Variants in AVEN observed in about 807,000 individuals in gnomAD.
The protein encoded by AVEN is cell death regulator Aven.
A neutral mutation model predicts 38.1 loss-of-function variants in AVEN; 41 were observed. That is an observed-to-expected ratio of 1.08 (90% CI 0.84 to 1.40). The LOEUF is 1.40. AVEN is among the 40% of genes most tolerant of loss of function. The probability of loss-of-function intolerance (pLI) is 0.00; values close to 1 mark genes in which losing one functional copy is unlikely to be tolerated. For missense variants in AVEN, 605 were observed against 438.8 expected (o/e 1.38, Z -3.38); for synonymous variants, 206 against 171.8 (o/e 1.20, Z -1.56).
intron 2 of AVEN, among the ~76,000 whole-genome samples, chr15:33,906,722 G>A (rs953396317): frequency 3.3e-5 from 5 of 152,160 alleles, no homozygotes; most frequent in African/African-American, 1.2e-4. Context: ...GTTGCCAGGG[G>A]TGGTGGAGAG....
intron 5 of AVEN, among the ~76,000 whole-genome samples, chr15:34,048,112 G>A (rs1899785317): frequency 6.6e-6 from 1 of 152,176 alleles, no homozygotes; most frequent in Non-Finnish European, 1.5e-5. Flanking sequence ...CTGAACTCAA[G>A]CAATCCACTT....
chr15:33,923,003 T>A (rs1207252409), intron 2 of AVEN, among the ~76,000 whole-genome samples: 1 of 152,198 alleles, frequency 6.6e-6, no homozygotes, highest in Non-Finnish European at 1.5e-5. Flanking sequence ...TATATACACT[T>A]AATGAATATC....
exon 2 of AVEN, among the ~76,000 whole-genome samples, chr15:34,070,636 G>A (rs1348574710): frequency 6.6e-6 from 1 of 152,134 alleles, no homozygotes; most frequent in East Asian, 1.9e-4. Flanking sequence ...TCTCCATTGA[G>A]CTAAGGATGT....
intron 2 of AVEN, among the ~76,000 whole-genome samples, chr15:33,958,206 T>C (rs565050597): frequency 6.6e-6 from 1 of 152,356 alleles, no homozygotes; most frequent in African/African-American, 2.4e-5. Context: ...ATATTATCTT[T>C]AACCAAATCT....
chr15:33,876,115 A>C, intron 2 of AVEN, 120 bp from the exon 3 acceptor site: 1 of 857,158 alleles, frequency 1.2e-6, no homozygotes. Flanking sequence ...AGGGAGAGGC[A>C]AGGATAAAAC....
intron 2 of AVEN, among the ~76,000 whole-genome samples, chr15:33,902,392 CA>C (rs1567405346): frequency 6.6e-6 from 1 of 152,146 alleles, no homozygotes; most frequent in African/African-American, 2.4e-5. Flanking sequence ...TATTCTTTCT[CA>C]ATAAAAACTC....
intron 2 of AVEN, among the ~76,000 whole-genome samples, chr15:33,928,171 A>C (rs1422688415): frequency 6.6e-6 from 1 of 152,236 alleles, no homozygotes; most frequent in Non-Finnish European, 1.5e-5. Context: ...AGGCAGTAAA[A>C]TACTACTATT....
upstream of AVEN, chr15:34,039,271 C>T (rs565493110): frequency 5.4e-6 from 1 of 184,752 alleles, no homozygotes. Context: ...GCGGGAAGGC[C>T]GGACCGCTGG....
intron 2 of AVEN, among the ~76,000 whole-genome samples, chr15:33,961,535 T>C (rs529153972): frequency 1.6e-4 from 24 of 150,736 alleles, no homozygotes; most frequent in South Asian, 1.3e-3. Context: ...GTGTCTGCAC[T>C]GGGTGAGGTG....
chr15:33,876,117 G>A, intron 2 of AVEN, 122 bp from the exon 3 acceptor site: 5 of 772,660 alleles, frequency 6.5e-6, no homozygotes, highest in South Asian at 1.8e-5. Flanking sequence ...GGAGAGGCAA[G>A]GATAAAACTG....
At chr15:34,042,396 G>GTT (rs35456951), upstream of AVEN, among the ~76,000 whole-genome samples, 100 of 130,356 alleles carry the variant, frequency 7.7e-4, no homozygotes, top group East Asian at 8.9e-4. Flanking sequence ...CATGACCTAA[G>GTT]TTTTTTTTTT....
intron 2 of AVEN, among the ~76,000 whole-genome samples, chr15:33,894,027 G>A (rs1457039568): frequency 6.7e-6 from 1 of 148,542 alleles, no homozygotes; most frequent in African/African-American, 2.5e-5. Flanking sequence ...TCGGCTCACT[G>A]CAACCTCCAC....
chr15:33,900,312 T>TAC (rs1892440130), intron 2 of AVEN, among the ~76,000 whole-genome samples: 1 of 144,570 alleles, frequency 6.9e-6, no homozygotes, highest in East Asian at 2.0e-4. Flanking sequence ...GAGAACATTT[T>TAC]TTTTTTTTTT....
downstream of AVEN, chr15:33,865,287 T>C (rs201908377): frequency 0.036 from 42,701 of 1,191,976 alleles, 1,134 homozygotes; most frequent in Non-Finnish European, 0.037. Context: ...TAAAGTCCCC[T>C]TTTTACAGTT....
At chr15:34,006,247 T>C (rs1286879891) in intron 1 of AVEN, among the ~76,000 whole-genome samples, 1 of 151,502 alleles carries the variant, frequency 6.6e-6, no homozygotes, top group Non-Finnish European at 1.5e-5. Flanking sequence ...GGAGGCGGAG[T>C]TTGCAGTGAG....
Position 34,063,663 on chromosome 15 carries a change from G to T in AVEN, n.1127-231C>A, listed in dbSNP as rs141362421. ...TTCCTCAGAGGATGAGGACAAGCCC[G>T]CCACTGACCCTGTCCTCCAAGTGGT... On this transcript the variant is annotated intron_variant and non_coding_transcript_variant, in intron 4 of 11. Coordinates refer to the AVEN transcript ENST00000675287. The surrounding 1 kb of genome is among the most constrained non-coding windows in gnomAD (Gnocchi z 4.1). The T allele has an allele frequency of 2.5e-6, 4 of 1,614,034 alleles. No homozygotes were observed. The highest frequency in any genetic ancestry group is 3.4e-6 in the Non-Finnish European group (4 of 1,180,036).
chr15:33,897,729 A>G (rs1446903296), intron 2 of AVEN, among the ~76,000 whole-genome samples: 1 of 152,030 alleles, frequency 6.6e-6, no homozygotes, highest in African/African-American at 2.4e-5. Flanking sequence ...AATCAAAAAT[A>G]TATGTATGCA....
Position 34,033,454 on chromosome 15 carries a change from C to T in AVEN, c.267+5326G>A, listed in dbSNP as rs148939006. Among the ~76,000 whole-genome samples the T allele has an allele frequency of 2.6e-3, 394 of 150,792 alleles. 5 individuals carry two copies. The highest frequency in any genetic ancestry group is 8.7e-3 in the African/African-American group (355 of 40,998). ...CCAAGAGGCGGAGATTGCAGTGAGC[C>T]GAGATCGTGCCACTGCACTCCAGCC... is the stretch of plus-strand genomic sequence containing the variant. On this transcript the variant is annotated intron_variant, in intron 1 of 5. Coordinates refer to ENST00000306730, the MANE Select transcript of AVEN (RefSeq NM_020371.3).
intron 2 of AVEN, among the ~76,000 whole-genome samples, chr15:33,965,207 G>T (rs756723575): frequency 6.6e-6 from 1 of 152,150 alleles, no homozygotes; most frequent in Non-Finnish European, 1.5e-5. Flanking sequence ...CATGACTCAC[G>T]TAAGTCAACA....
Sources: gnomAD v4.1 joint callset for allele counts (sites outside exome capture counted in the v4.1 genomes callset) on GRCh38, gnomAD v4.1.1 for gene constraint, Gnocchi (gnomAD v3.1) non-coding constraint, MANE v1.5 for transcripts, NCBI Gene and HGNC (gene_info 2026-07-23, HGNC 2026-07-21) for gene names.